The following FASN variants were observed in gnomAD, a reference collection of about 807,000 sequenced individuals.
FASN encodes 3-hydroxyacyl-[acyl-carrier-protein] dehydratase.
FASN carries 50 observed loss-of-function variants against 250.0 expected under a neutral mutation model. The observed-to-expected ratio is 0.20, with a 90% CI of 0.16 to 0.25. FASN has a LOEUF of 0.25. Among genes scored for constraint, FASN ranks in the 10% least tolerant of loss-of-function variants. The pLI is 1.00. For synonymous variants in FASN, 1,909 were observed against 1,584.0 expected (o/e 1.21, Z -4.87); for missense variants, 3,031 against 3,498.5 (o/e 0.87, Z 3.37).
intron 19 of FASN, 82 bp downstream of exon 19, chr17:82,087,603 C>T: frequency 1.9e-6 from 3 of 1,601,106 alleles, no homozygotes; most frequent in Non-Finnish European, 2.5e-6. Flanking sequence ...AGCTGCATGC[C>T]TAGCTGTGGG....
chr17:82,079,497 C>T lies in FASN; in HGVS notation c.7258G>A (p.Ala2420Thr). ...CGCAGCTTGTAGTAGAAGGACCGGG[C>T]CGCAAAGCTCAGCTCCTGGCGGTCC... ...GLDRQELSFA[A>T]RSFYYKLRAA... Residue 2420 changes from alanine to threonine, a missense_variant, in exon 42 of 43, where the codon GCC becomes ACC. Coordinates refer to ENST00000306749, the MANE Select transcript of FASN (RefSeq NM_004104.5). 6.2e-7 allele frequency: 1 copy of T among 1,612,542 alleles called. No individual in the cohort carries two copies. The highest frequency in any genetic ancestry group is 1.3e-5 in the African/African-American group (1 of 75,044).
At position 82,085,464 on chromosome 17, in the gene FASN, C is replaced by T. The variant is rs1403660190; in HGVS notation, c.4122+18G>A. ...CCTCACCCGGCCCCCACCCTGTCCC[C>T]CTGCCCGGCGGCCGCACCTGGCTCA... On this transcript the variant is annotated intron_variant, in intron 23 of 42. Coordinates refer to ENST00000306749, the MANE Select transcript of FASN (RefSeq NM_004104.5). 4 of 1,591,118 alleles carry T rather than the reference C, an allele frequency of 2.5e-6. No individual in the cohort carries two copies. The South Asian group carries it at 3.4e-5, about 14-fold the overall frequency.
rs570103885 is a variant in FASN, at chr17:82,092,201, G to C, written c.1029+254C>G. 4.6e-5 allele frequency among the ~76,000 whole-genome samples: 7 copies of C among 152,278 alleles called. 1 individual carries two copies. In the South Asian group the frequency reaches 1.5e-3, roughly 32 times the overall value. ...CCCACCCAAGCGGCTCCTCCAGCTC[G>C]GCTCCGTGTCCGGCAGACGCTCTGC... On this transcript the variant is annotated intron_variant, in intron 8 of 42. Transcript: ENST00000306749.
At position 82,086,018 on chromosome 17, in the gene FASN, C is replaced by T. The variant is rs992380457; in HGVS notation, c.3733-147G>A. On this transcript the variant is annotated intron_variant, in intron 22 of 42. Transcript: ENST00000306749. ...TGCCAGCCATGGGCACGCATGGATGCCACTGGTCTTGTCCCTGGGGTCCTG... is the reference window on the plus strand; with the variant it reads ...TGCCAGCCATGGGCACGCATGGATGTCACTGGTCTTGTCCCTGGGGTCCTG... The T allele has an allele frequency of 2.7e-5, 33 of 1,225,806 alleles. No individual in the cohort carries two copies. In the African/African-American group the frequency reaches 4.7e-4, roughly 17 times the overall value. The allele number at this position is 1,225,806 out of a possible 1,614,324, so 75.9% of individuals were successfully genotyped here. A position where few individuals can be genotyped will look rare whatever the true frequency, so the allele number is the denominator to read the frequency against.
chr17:82,088,815 T>G lies in FASN; in HGVS notation c.2366A>C (p.His789Pro), dbSNP rs1208761710. The G allele has an allele frequency of 1.2e-6, 2 of 1,612,572 alleles. No homozygotes were observed. The highest frequency in any genetic ancestry group is 1.7e-6 in the Non-Finnish European group (2 of 1,179,832). ...CAGGAAGAACTCCAGGTTGTCCCTGTGATCCTTCTTCATCAGGGGGATGAT... is the reference window on the plus strand; with the variant it reads ...CAGGAAGAACTCCAGGTTGTCCCTGGGATCCTTCTTCATCAGGGGGATGAT... ...CTIIPLMKKD[H>P]RDNLEFFLAG... Residue 789 changes from histidine to proline, a missense_variant, in exon 15 of 43, where the codon CAC (histidine) becomes CCC (proline). By Grantham distance (77) the His-to-Pro change is moderately conservative. Transcript: ENST00000306749.
At chr17:82,097,510 C>T (rs2034325092) in intron 1 of FASN, 2 of 152,434 alleles carry the variant, frequency 1.3e-5, no homozygotes, top group Admixed American at 1.3e-4. Flanking sequence ...TTCACAGAGG[C>T]TTGGCTGCCC....
chr17:82,092,846 GC>G, intron 6 of FASN, 34 bp from the exon 7 acceptor site: 2 of 1,584,178 alleles, frequency 1.3e-6, no homozygotes, highest in Non-Finnish European at 1.7e-6. Context: ...TGCAGCCCCA[GC>G]CCCGGCTCCC....
At chr17:82,094,578 C>G (rs970925257) in intron 3 of FASN, among the ~76,000 whole-genome samples, 7 of 151,942 alleles carry the variant, frequency 4.6e-5, no homozygotes, top group Non-Finnish European at 8.8e-5. Context: ...ATCACGAGGT[C>G]AAGAGATCGA....
chr17:82,093,680 G>A lies in FASN; in HGVS notation c.372C>T (p.Pro124=), dbSNP rs768498626. Residue 124 remains proline, a synonymous_variant, in exon 4 of 43, where the codon CCC becomes CCT. Transcript: ENST00000306749. ...CCATGCTGTAGCCCACGAGTGTCTC[G>A]GGGTCTCGGCTCAGGGCCTCCGAGG... The part of the protein sequence containing the change: ...SETSEALSRD[P]ETLVGYSMVG... 6.2e-6 allele frequency: 10 copies of A among 1,612,656 alleles called. No homozygotes were observed. The highest frequency in any genetic ancestry group is 3.3e-5 in the Admixed American group (2 of 60,014).
chr17:82,089,839 C>T (rs2034172217), intron 11 of FASN, 113 bp from the exon 12 acceptor site: 8 of 936,266 alleles, frequency 8.5e-6, no homozygotes, highest in African/African-American at 4.9e-5. Flanking sequence ...GTGGTAATGG[C>T]AGCCTTGGAG....
At chr17:82,093,066 C>A in intron 5 of FASN, 47 bp from the exon 6 acceptor site, 2 of 1,607,066 alleles carry the variant, frequency 1.2e-6, no homozygotes, top group Non-Finnish European at 1.7e-6. Flanking sequence ...CCACGCCGGC[C>A]CCCACCCCAC....
Position 82,088,406 on chromosome 17 carries a change from G to A in FASN, c.2577C>T (p.Ala859=), listed in dbSNP as rs778504673. The A allele has an allele frequency of 6.8e-6, 11 of 1,612,160 alleles. No individual in the cohort carries two copies. The highest frequency in any genetic ancestry group is 6.7e-5 in the East Asian group (3 of 44,870). The change falls in exon 16 of 43, where the codon GCC becomes GCT. Residue 859 remains alanine, a synonymous_variant. Coordinates refer to ENST00000306749, the MANE Select transcript of FASN (RefSeq NM_004104.5). ...CCTGCTCACCGATGTTGTAGATGGC[G>A]GCTGAGGGGGAACCTGAACCGTTGG... ...DFPNGSGSPS[A]AIYNIDTSSE... is the part of the protein sequence containing the mutation.
intron 21 of FASN, 118 bp downstream of exon 21, chr17:82,086,932 C>T (rs1174182486): frequency 1.6e-5 from 18 of 1,146,422 alleles, no homozygotes; most frequent in Non-Finnish European, 2.3e-5. Context: ...GAGGGTTGGG[C>T]TAGGGTTGCT....
chr17:82,088,721 C>G (rs777008444), intron 15 of FASN, 40 bp downstream of exon 15: 7 of 1,584,234 alleles, frequency 4.4e-6, no homozygotes, highest in South Asian at 2.2e-5. Context: ...ACGCCGTCCC[C>G]GACTCCGGGA....
intron 38 of FASN, 72 bp downstream of exon 38, chr17:82,081,092 C>T (rs553193008): frequency 1.6e-4 from 241 of 1,505,278 alleles, no homozygotes; most frequent in East Asian, 8.8e-4. Context: ...TGCCGGGACA[C>T]GGTCCAGACA....
In FASN at chr17:82,084,928, T is replaced by C; in HGVS notation, c.4435A>G (p.Ser1479Gly). Residue 1479 changes from serine to glycine, a missense_variant, in exon 26 of 43, where the codon AGC becomes GGC. Physicochemically the swap from Ser to Gly is moderately conservative, Grantham distance 56. Coordinates refer to ENST00000306749, the MANE Select transcript of FASN (RefSeq NM_004104.5). ...LRCVLLSNLS[S>G]TSHVPEVDPG... ...TCCACCTCCGGGACGTGGGAGGTGCTGCTGAGGTTGGAGAGCAGCACACAC... is the reference window on the plus strand; with the variant it reads ...TCCACCTCCGGGACGTGGGAGGTGCCGCTGAGGTTGGAGAGCAGCACACAC... 6.4e-7 allele frequency: 1 copy of C among 1,554,070 alleles called. No individual in the cohort carries two copies. The highest frequency in any genetic ancestry group is 1.4e-5 in the African/African-American group (1 of 73,266).
Position 82,093,061 on chromosome 17 carries a change from C to T in FASN, c.656-42G>A, listed in dbSNP as rs369654184. 162 of 1,607,848 alleles carry T rather than the reference C, an allele frequency of 1.0e-4. No homozygotes were observed. In the African/African-American group the frequency reaches 1.9e-3, roughly 19 times the overall value. ...CTCAGGCCCGGGGCTCAGCCCCACG[C>T]CGGCCCCCACCCCACCAGGAGGAGC... On this transcript the variant is annotated intron_variant, in intron 5 of 42. Coordinates refer to ENST00000306749, the MANE Select transcript of FASN (RefSeq NM_004104.5).
intron 8 of FASN, 144 bp from the exon 9 acceptor site, chr17:82,091,828 T>C (rs1353531834): frequency 1.3e-6 from 1 of 780,166 alleles, no homozygotes; most frequent in East Asian, 2.7e-5. Flanking sequence ...AACCTAATTC[T>C]GCCATGGCAC....
chr17:82,080,048 C>T (rs112884243), intron 41 of FASN, 92 bp downstream of exon 41: 41 of 1,367,242 alleles, frequency 3.0e-5, no homozygotes, highest in Middle Eastern at 2.2e-4. Context: ...GGGCCTTTAA[C>T]GCTCTTCGCG....
Sources: gnomAD v4.1 joint callset for allele counts (sites outside exome capture counted in the v4.1 genomes callset) on GRCh38, gnomAD v4.1.1 for gene constraint, MANE v1.5 for transcripts, NCBI Gene and HGNC (gene_info 2026-07-23, HGNC 2026-07-21) for gene names.